The following HNRNPH1 variants were observed in gnomAD, a reference collection of about 807,000 sequenced individuals.
HNRNPH1 encodes the protein heterogeneous nuclear ribonucleoprotein H1.
In HNRNPH1, 4 loss-of-function variants were observed where a neutral mutation model predicts 58.6. The ratio of observed to expected loss-of-function variants is 0.07; its 90% CI spans 0.03 to 0.16. The LOEUF is 0.16. Among genes scored for constraint, HNRNPH1 ranks in the 10% least tolerant of loss-of-function variants. HNRNPH1 has a pLI of 1.00. For missense variants in HNRNPH1, 271 were observed against 564.2 expected (o/e 0.48, Z 5.26); for synonymous variants, 192 against 189.2 (o/e 1.01, Z -0.12).
chr5:179,633,569 C>T (rs1775025893), intron 2 of HNRNPH1, among the ~76,000 whole-genome samples: 1 of 151,258 alleles, frequency 6.6e-6, no homozygotes, highest in Non-Finnish European at 1.5e-5. Context: ...GCCTTGGCCT[C>T]CCAAAGTGCT....
At chr5:179,617,306 G>A (rs1174486607) in intron 8 of HNRNPH1, 196 bp from the exon 10 acceptor site, 1 of 729,558 alleles carries the variant, frequency 1.4e-6, no homozygotes, top group Non-Finnish European at 2.2e-6. Context: ...GTCAATTAAG[G>A]ATATACACTT....
chr5:179,621,573 TCC>T (rs1772350635), intron 1 of HNRNPH1, 176 bp from the exon 3 acceptor site: 1 of 598,144 alleles, frequency 1.7e-6, no homozygotes, highest in African/African-American at 1.9e-5. Context: ...ACAAACTCAT[TCC>T]TAAGGTGATA....
In HNRNPH1 at chr5:179,630,280, C is replaced by T. The variant is rs190397679; in HGVS notation, c.-32+3785G>A. On this transcript the variant is annotated intron_variant, in intron 2 of 4. Transcript: ENST00000521116. ...AGGAGAATCGCTTGAATGTGGGAGG[C>T]GGCGGTCGTGGTGAGCTGAAATCTT... Among the ~76,000 whole-genome samples the T allele has an allele frequency of 7.8e-3, 1,183 of 152,044 alleles. 21 individuals carry two copies. The highest frequency in any genetic ancestry group is 0.023 in the African/African-American group (959 of 41,464).
At position 179,617,037 on chromosome 5, in the gene HNRNPH1, T is replaced by C. The variant is rs529241719; in HGVS notation, c.1117+14A>G. On this transcript the variant is annotated intron_variant, in intron 9 of 12. Coordinates refer to ENST00000356731, the Ensembl canonical transcript of HNRNPH1. ...GATATTTACACAAACCCATGCCTCC[T>C]AGCATTTGGCTACCGTAAGCACCAC... 1.2e-5 allele frequency: 20 copies of C among 1,604,072 alleles called. 1 individual carries two copies. The South Asian group carries it at 1.9e-4, about 15-fold the overall frequency.
At chr5:179,617,426 C>T (rs775882440) in intron 8 of HNRNPH1, 88 bp downstream of exon 9, 15 of 1,429,960 alleles carry the variant, frequency 1.0e-5, no homozygotes, top group African/African-American at 1.4e-5. Context: ...GGAAACTTCT[C>T]ATATATCCTT....
intron 1 of HNRNPH1, chr5:179,621,617 C>A: frequency 1.8e-6 from 1 of 559,670 alleles, no homozygotes; most frequent in Non-Finnish European, 3.2e-6. Context: ...ATACAATATT[C>A]AAAGCAGTTT....
intron 3 of HNRNPH1, among the ~76,000 whole-genome samples, chr5:179,620,321 G>A (rs1015566822): frequency 5.9e-5 from 9 of 152,128 alleles, no homozygotes; most frequent in African/African-American, 2.2e-4. Context: ...TTTAGGCCCA[G>A]GAACAATTTC....
At position 179,621,771 on chromosome 5, in the gene HNRNPH1, T is replaced by TA. The variant is rs1240424775; in HGVS notation, c.98-375dup. On this transcript the variant is annotated intron_variant, in intron 1 of 12. Coordinates refer to ENST00000356731, the Ensembl canonical transcript of HNRNPH1. Reference sequence around the variant, plus strand: ...GCGAGCTGTTTTGGTCTGGGGCATTTATCCGTTTTACCTTACCAGTAGCCA... The same window carrying TA: ...GCGAGCTGTTTTGGTCTGGGGCATTTAATCCGTTTTACCTTACCAGTAGCCA... 4.3e-5 allele frequency: 16 copies of TA among 369,424 alleles called. No individual in the cohort carries two copies. In the Admixed American group the frequency reaches 4.6e-4, roughly 11 times the overall value. The allele number at this position is 369,424 out of a possible 1,614,324, so 22.9% of individuals were successfully genotyped here.
At chr5:179,616,500 G>A (rs910741797) in intron 10 of HNRNPH1, 13 of 523,262 alleles carry the variant, frequency 2.5e-5, no homozygotes, top group Non-Finnish European at 4.1e-5. Context: ...TTATGAAACT[G>A]CTTGACTGGA....
chr5:179,622,122 T>C (rs1425767260), intron 1 of HNRNPH1: 3 of 388,600 alleles, frequency 7.7e-6, no homozygotes, highest in African/African-American at 4.2e-5. Flanking sequence ...TCAGGAAACC[T>C]ATGTACTGCA....
intron 2 of HNRNPH1, among the ~76,000 whole-genome samples, chr5:179,631,754 T>A (rs55858825): frequency 0.39 from 57,227 of 148,582 alleles, 11,210 homozygotes; most frequent in Non-Finnish European, 0.44. Flanking sequence ...AAAAAAAAAA[T>A]TTTTTTTTTA....
exon 13 of HNRNPH1, chr5:179,614,535 T>C (rs1004668469): frequency 3.7e-5 from 7 of 189,816 alleles, no homozygotes; most frequent in African/African-American, 7.0e-5. Context: ...AAGGGCAACA[T>C]TTAACATAAT....
intron 1 of HNRNPH1, chr5:179,621,959 C>A: frequency 2.2e-6 from 1 of 456,308 alleles, no homozygotes; most frequent in Non-Finnish European, 4.4e-6. Flanking sequence ...TTTTACAGGT[C>A]GCTTTCCGTT....
intron 11 of HNRNPH1, 148 bp downstream of exon 12, chr5:179,615,978 G>T: frequency 1.5e-6 from 1 of 651,942 alleles, no homozygotes. Flanking sequence ...CAATTTCACC[G>T]AAAGGAGCCT....
At chr5:179,621,559 A>G (rs1772336545) in intron 1 of HNRNPH1, 162 bp from the exon 3 acceptor site, 1 of 607,266 alleles carries the variant, frequency 1.6e-6, no homozygotes, top group African/African-American at 1.9e-5. Context: ...CCAATTAAAA[A>G]AAAACAAACT....
chr5:179,626,971 C>T (rs1335290678), upstream of HNRNPH1, among the ~76,000 whole-genome samples: 1 of 151,786 alleles, frequency 6.6e-6, no homozygotes, highest in Non-Finnish European at 1.5e-5. Flanking sequence ...TTACTAGAGA[C>T]GGGGTTTCAC....
chr5:179,614,312 T>C (rs1768379603), exon 13 of HNRNPH1: 1 of 151,444 alleles, frequency 6.6e-6, no homozygotes, highest in Non-Finnish European at 1.5e-5. Context: ...AAATCCTAAG[T>C]ATTGGTATTG....
chr5:179,615,845 G>T, intron 11 of HNRNPH1: 1 of 520,610 alleles, frequency 1.9e-6, no homozygotes. Context: ...TGGCTCGACA[G>T]TATTCCAAAG....
exon 9 of HNRNPH1, chr5:179,617,067 T>C: frequency 6.2e-7 from 1 of 1,614,214 alleles, no homozygotes; most frequent in Non-Finnish European, 8.5e-7. Flanking sequence ...CACCACCGCT[T>C]GCTCCTGCTG....
Sources: gnomAD v4.1 joint callset for allele counts (sites outside exome capture counted in the v4.1 genomes callset) on GRCh38, gnomAD v4.1.1 for gene constraint, MANE v1.5 for transcripts, NCBI Gene and HGNC (gene_info 2026-07-23, HGNC 2026-07-21) for gene names.